The following NEGR1 variants were observed in gnomAD, a reference collection of about 807,000 sequenced individuals.
NEGR1 encodes the protein IgLON family member 4.
Under a neutral mutation model 40.9 loss-of-function variants are expected in NEGR1, and 10 were observed. That is an observed-to-expected ratio of 0.24 (90% CI 0.15 to 0.42). NEGR1 has a LOEUF of 0.42. NEGR1 is among the 10% of genes least tolerant of loss of function. The pLI is 1.00. For synonymous variants in NEGR1, 185 were observed against 166.8 expected (o/e 1.11, Z -0.84); for missense variants, 352 against 438.9 (o/e 0.80, Z 1.77).
At chr1:72,250,346 T>C (rs57554072) in intron 1 of NEGR1, among the ~76,000 whole-genome samples, 8,090 of 152,126 alleles carry the variant, frequency 0.053, 741 homozygotes, top group African/African-American at 0.19. Context: ...CCCTTACCTT[T>C]CTAGCATTAC....
chr1:71,764,543 G>A (rs1211327668), intron 3 of NEGR1, among the ~76,000 whole-genome samples: 1 of 152,094 alleles, frequency 6.6e-6, no homozygotes, highest in Non-Finnish European at 1.5e-5. Context: ...GGGTCATAAA[G>A]CAGCAGAGAC....
intron 6 of NEGR1, among the ~76,000 whole-genome samples, chr1:71,550,224 A>T (rs758437628): frequency 2.6e-5 from 4 of 151,558 alleles, no homozygotes; most frequent in Non-Finnish European, 5.9e-5. Context: ...TTCTCCATCT[A>T]TGATCATTTC....
intron 4 of NEGR1, among the ~76,000 whole-genome samples, chr1:71,673,181 G>T (rs953482452): frequency 2.0e-5 from 3 of 152,066 alleles, no homozygotes; most frequent in African/African-American, 7.2e-5. Flanking sequence ...AGAGCTTGCA[G>T]TGAACCAAGA....
chr1:71,572,276 A>T (rs1648832809), intron 6 of NEGR1, among the ~76,000 whole-genome samples: 1 of 152,192 alleles, frequency 6.6e-6, no homozygotes, highest in Non-Finnish European at 1.5e-5. Flanking sequence ...GGCAGAAAGC[A>T]GGCTGTTGAG....
At chr1:71,696,581 C>A (rs1653481492) in intron 4 of NEGR1, among the ~76,000 whole-genome samples, 1 of 151,794 alleles carries the variant, frequency 6.6e-6, no homozygotes, top group Non-Finnish European at 1.5e-5. Flanking sequence ...CCTCAACCCT[C>A]CAACAATAAA....
intron 1 of NEGR1, among the ~76,000 whole-genome samples, chr1:72,217,910 C>T (rs1416749721): frequency 2.0e-5 from 3 of 151,702 alleles, no homozygotes; most frequent in Non-Finnish European, 4.4e-5. Flanking sequence ...ATATCTCCAA[C>T]TAAGAAAGAT....
Position 71,894,333 on chromosome 1 carries a change from A to C in NEGR1, c.409+40746T>G, listed in dbSNP as rs1209067936. 3.3e-5 allele frequency among the ~76,000 whole-genome samples: 5 copies of C among 152,320 alleles called. No individual in the cohort carries two copies. The East Asian group carries it at 5.8e-4, about 18-fold the overall frequency. ...CATTTCAAAAGAAAACATCTGTAGT[A>C]GTTCAAGAATCAGGGGAACCACATT... is the stretch of plus-strand genomic sequence containing the variant. On this transcript the variant is annotated intron_variant, in intron 2 of 6. Transcript: ENST00000357731.
chr1:72,221,433 T>G (rs1339855555), intron 1 of NEGR1, among the ~76,000 whole-genome samples: 1 of 152,150 alleles, frequency 6.6e-6, no homozygotes, highest in Non-Finnish European at 1.5e-5. Flanking sequence ...TTAATTTTAA[T>G]TCAAATAATA....
intron 1 of NEGR1, among the ~76,000 whole-genome samples, chr1:71,995,065 A>G (rs1169658038): frequency 6.6e-6 from 1 of 151,842 alleles, no homozygotes; most frequent in East Asian, 1.9e-4. Context: ...CTGAAAGAAC[A>G]CTATTTAAGA....
intron 3 of NEGR1, among the ~76,000 whole-genome samples, chr1:71,708,788 C>G (rs898905266): frequency 6.6e-6 from 1 of 152,114 alleles, no homozygotes; most frequent in Non-Finnish European, 1.5e-5. Flanking sequence ...CCCCACTATG[C>G]ATCCATGTGT....
chr1:72,044,330 T>TAAAAAA (rs534733009), intron 1 of NEGR1, among the ~76,000 whole-genome samples: 1 of 131,606 alleles, frequency 7.6e-6, no homozygotes, highest in Non-Finnish European at 1.6e-5. Context: ...AGGTCTAAGT[T>TAAAAAA]AAAAAAAAAA....
chr1:72,037,422 G>A (rs1378580157), intron 1 of NEGR1, among the ~76,000 whole-genome samples: 1 of 151,992 alleles, frequency 6.6e-6, no homozygotes, highest in South Asian at 2.1e-4. Context: ...AAGAAATCTG[G>A]CACTTAAGCC....
At chr1:71,974,378 G>A (rs1557463318) in intron 1 of NEGR1, among the ~76,000 whole-genome samples, 1 of 152,026 alleles carries the variant, frequency 6.6e-6, no homozygotes, top group Non-Finnish European at 1.5e-5. Flanking sequence ...TACACTTGAG[G>A]ATATTAAGTA....
In NEGR1 at chr1:71,568,314, G is replaced by A. The variant is rs183831912; in HGVS notation, c.940+24503C>T. 3.7e-4 allele frequency among the ~76,000 whole-genome samples: 56 copies of A among 152,278 alleles called. No homozygotes were observed. In the East Asian group the frequency reaches 9.1e-3, roughly 25 times the overall value. ...ACCACAAAGTATGATGAACTCTAGTGAAGAATCATTTCTGGTAAATTTACA... is the reference window on the plus strand; with the variant it reads ...ACCACAAAGTATGATGAACTCTAGTAAAGAATCATTTCTGGTAAATTTACA... On this transcript the variant is annotated intron_variant, in intron 6 of 6. Transcript: ENST00000357731.
At chr1:71,607,364 C>T (rs1367511507) in intron 5 of NEGR1, among the ~76,000 whole-genome samples, 2 of 152,212 alleles carry the variant, frequency 1.3e-5, no homozygotes, top group African/African-American at 2.4e-5. Context: ...TGGTATTTCA[C>T]ATTGACATTT....
chr1:71,650,491 G>T (rs1302856836), intron 4 of NEGR1, among the ~76,000 whole-genome samples: 1 of 152,116 alleles, frequency 6.6e-6, no homozygotes, highest in Non-Finnish European at 1.5e-5. Flanking sequence ...AGATATAAAT[G>T]CAAAAATGAC....
At chr1:71,603,764 C>G (rs552496237) in intron 5 of NEGR1, among the ~76,000 whole-genome samples, 2 of 152,212 alleles carry the variant, frequency 1.3e-5, no homozygotes, top group African/African-American at 4.8e-5. Flanking sequence ...GTATTCTTAT[C>G]TCATTTTTAA....
intron 2 of NEGR1, among the ~76,000 whole-genome samples, chr1:71,863,077 T>C (rs1241116807): frequency 6.6e-6 from 1 of 152,178 alleles, no homozygotes; most frequent in Non-Finnish European, 1.5e-5. Context: ...ATACCATTCA[T>C]TCCAGCCATC....
At position 71,397,015 on chromosome 1, in the gene NEGR1, A is replaced by G. The variant is rs1646216861; in HGVS notation, c.*10431T>C. The G allele has an allele frequency of 6.5e-6, 1 of 154,152 alleles. No individual in the cohort carries two copies. The highest frequency in any genetic ancestry group is 2.0e-4 in the South Asian group (1 of 4,898). The allele number at this position is 154,152 out of a possible 1,614,324, so 9.5% of individuals were successfully genotyped here. ...TGGAGGGCTCAGAAGAAGACAGGAA[A>G]ATGTGGGAAAGTTTGGAACTTCCTA... On this transcript the variant is annotated 3_prime_UTR_variant, in exon 7 of 7. Coordinates refer to ENST00000357731, the MANE Select transcript of NEGR1 (RefSeq NM_173808.3).
Sources: allele counts gnomAD v4.1 joint callset (sites outside exome capture counted in the v4.1 genomes callset), GRCh38; gene constraint gnomAD v4.1.1; transcripts MANE v1.5; gene names NCBI Gene and HGNC (gene_info 2026-07-23, HGNC 2026-07-21).